Variants in NELL1 observed in about 807,000 individuals in gnomAD.
NELL1 encodes protein kinase C-binding protein NELL1.
In NELL1, 76 loss-of-function variants were observed where a neutral mutation model predicts 107.4. That is an observed-to-expected ratio of 0.71 (90% CI 0.59 to 0.86). NELL1 has a LOEUF of 0.86. Among genes scored for constraint, NELL1 ranks in the 40% least tolerant of loss-of-function variants. The probability of loss-of-function intolerance (pLI) is 0.00; values close to 1 mark genes in which losing one functional copy is unlikely to be tolerated. For synonymous variants in NELL1, 353 were observed against 341.2 expected, an observed-to-expected ratio of 1.03 and a Z score of -0.38; for missense variants, 1,024 against 1,005.5, an observed-to-expected ratio of 1.02 and a Z score of -0.25.
At chr11:21,318,661 T>C (rs1849933564) in intron 14 of NELL1, among the ~76,000 whole-genome samples, 1 of 152,172 alleles carries the variant, frequency 6.6e-6, no homozygotes, top group African/African-American at 2.4e-5. Context: ...AGAATGCTTG[T>C]AATATATCTT....
chr11:21,217,389 C>A (rs955444383), intron 13 of NELL1, among the ~76,000 whole-genome samples: 6 of 152,056 alleles, frequency 3.9e-5, no homozygotes, highest in Non-Finnish European at 7.4e-5. Flanking sequence ...GTGAAAGGTA[C>A]ATTGGGGGAA....
intron 15 of NELL1, among the ~76,000 whole-genome samples, chr11:21,415,986 C>T (rs969085820): frequency 1.3e-5 from 2 of 152,014 alleles, no homozygotes; most frequent in African/African-American, 4.8e-5. Flanking sequence ...ACTTTTAATG[C>T]TGTGTGCCTG....
chr11:20,980,034 T>A (rs147272809), intron 12 of NELL1, among the ~76,000 whole-genome samples: 42 of 152,320 alleles, frequency 2.8e-4, no homozygotes, highest in African/African-American at 9.9e-4. Context: ...TTGGTCAGGA[T>A]GCATTTTTCT....
chr11:21,405,691 A>G (rs1394850460), intron 15 of NELL1, among the ~76,000 whole-genome samples: 1 of 152,002 alleles, frequency 6.6e-6, no homozygotes, highest in African/African-American at 2.4e-5. Context: ...CTAGCTCCAC[A>G]TGCTGCTTTA....
intron 2 of NELL1, among the ~76,000 whole-genome samples, chr11:20,699,706 C>G (rs1337417228): frequency 6.6e-6 from 1 of 152,144 alleles, no homozygotes; most frequent in Non-Finnish European, 1.5e-5. Context: ...TAGGCTGGCT[C>G]CATATTTTTG....
intron 2 of NELL1, among the ~76,000 whole-genome samples, chr11:20,683,224 G>T (rs1478047965): frequency 6.6e-6 from 1 of 151,912 alleles, no homozygotes; most frequent in Non-Finnish European, 1.5e-5. Flanking sequence ...TGACTACATT[G>T]TTATTTTTAT....
At chr11:21,101,946 G>A (rs988648039) in intron 12 of NELL1, among the ~76,000 whole-genome samples, 17 of 152,178 alleles carry the variant, frequency 1.1e-4, no homozygotes, top group East Asian at 9.7e-4. Flanking sequence ...TTGGCCTCCC[G>A]AGTTTGAGCG....
intron 15 of NELL1, among the ~76,000 whole-genome samples, chr11:21,431,310 A>G (rs1852959401): frequency 6.6e-6 from 1 of 152,154 alleles, no homozygotes; most frequent in Non-Finnish European, 1.5e-5. Flanking sequence ...TTTTACAAAA[A>G]TCCTTTTCCT....
intron 14 of NELL1, among the ~76,000 whole-genome samples, chr11:21,329,299 C>T (rs1462326390): frequency 4.6e-5 from 7 of 152,044 alleles, no homozygotes; most frequent in Non-Finnish European, 8.8e-5. Flanking sequence ...CCCTTTTGCT[C>T]AGTATTTCTC....
At chr11:21,105,325 T>G (rs1854924898) in intron 12 of NELL1, among the ~76,000 whole-genome samples, 1 of 152,096 alleles carries the variant, frequency 6.6e-6, no homozygotes, top group Non-Finnish European at 1.5e-5. Context: ...TGCACAGTGT[T>G]TTATAGACAG....
chr11:20,890,671 C>T (rs768361367), intron 5 of NELL1, among the ~76,000 whole-genome samples: 10 of 151,744 alleles, frequency 6.6e-5, no homozygotes, highest in African/African-American at 2.2e-4. Flanking sequence ...ATATGAACAA[C>T]GTGATGGAAC....
intron 14 of NELL1, among the ~76,000 whole-genome samples, chr11:21,273,048 A>G (rs1273319303): frequency 6.6e-6 from 1 of 152,256 alleles, no homozygotes; most frequent in Admixed American, 6.5e-5. Context: ...ACAAAGCTGG[A>G]CGGAGAATGA....
chr11:21,435,314 T>A (rs897947298), intron 15 of NELL1, among the ~76,000 whole-genome samples: 1 of 152,122 alleles, frequency 6.6e-6, no homozygotes, highest in Non-Finnish European at 1.5e-5. Flanking sequence ...ATGATACTAG[T>A]TGTGGGTTTG....
chr11:21,453,769 A>T, intron 15 of NELL1, among the ~76,000 whole-genome samples: 1 of 147,250 alleles, frequency 6.8e-6, no homozygotes, highest in South Asian at 2.1e-4. Flanking sequence ...TATCTTCACT[A>T]TTAGCTTGTT....
chr11:21,011,472 T>A (rs57102243), intron 12 of NELL1, among the ~76,000 whole-genome samples: 2 of 152,122 alleles, frequency 1.3e-5, no homozygotes, highest in African/African-American at 4.8e-5. Context: ...CTGAGTTTCC[T>A]ATGTTGGACC....
At chr11:21,471,077 C>A (rs1218722959) in intron 15 of NELL1, among the ~76,000 whole-genome samples, 6 of 152,098 alleles carry the variant, frequency 3.9e-5, no homozygotes, top group African/African-American at 1.4e-4. Context: ...CTTAAGGCTG[C>A]AAAAGCCTTC....
intron 5 of NELL1, among the ~76,000 whole-genome samples, chr11:20,917,477 C>G (rs1850282357): frequency 6.6e-6 from 1 of 151,856 alleles, no homozygotes; most frequent in Admixed American, 6.6e-5. Context: ...TATTCTGAAC[C>G]AGCTTCTACA....
At position 20,823,985 on chromosome 11, in the gene NELL1, A is replaced by G. The variant is rs548838181; in HGVS notation, c.336-23598A>G. Among the ~76,000 whole-genome samples the G allele has an allele frequency of 2.6e-5, 4 of 151,410 alleles. No homozygotes were observed. In the Admixed American group the frequency reaches 2.7e-4, roughly 10 times the overall value. On this transcript the variant is annotated intron_variant, in intron 3 of 19. Coordinates refer to ENST00000357134, the MANE Select transcript of NELL1 (RefSeq NM_006157.5). ...AGCAGTTTGAATGTGGGTAGTTAAT[A>G]TGGTCTGGCTGTGCATCCTCACCCA... is the stretch of plus-strand genomic sequence containing the variant.
At position 21,404,010 on chromosome 11, in the gene NELL1, C is replaced by CCCG. The variant is rs1554905728; in HGVS notation, c.1645+33064_1645+33065insGCC. 6.5e-5 allele frequency among the ~76,000 whole-genome samples: 7 copies of CCCG among 108,242 alleles called. 1 individual carries two copies. The highest frequency in any genetic ancestry group is 1.2e-4 in the Non-Finnish European group (6 of 51,232). The allele number at this position is 108,242 out of a possible 152,430, so 71.0% of individuals were successfully genotyped here. A position where few individuals can be genotyped will look rare whatever the true frequency, so the allele number is the denominator to read the frequency against. Reference sequence around the variant, plus strand: ...AATATCTCTGTCATTCCTGAACCCCCCCCCCCGCAATCAAAACCACTGGAT... The same window carrying CCCG: ...AATATCTCTGTCATTCCTGAACCCCCCCGCCCCCCGCAATCAAAACCACTGGAT... On this transcript the variant is annotated intron_variant, in intron 15 of 19. Transcript: ENST00000357134.
Sources: allele counts gnomAD v4.1 joint callset (sites outside exome capture counted in the v4.1 genomes callset), GRCh38; gene constraint gnomAD v4.1.1; transcripts MANE v1.5; gene names NCBI Gene and HGNC (gene_info 2026-07-23, HGNC 2026-07-21).